EGF: variants seen among roughly 807,000 people sequenced by gnomAD.
EGF encodes the protein epidermal growth factor, also known as pro-epidermal growth factor.
A neutral mutation model predicts 143.8 loss-of-function variants in EGF; 95 were observed. That is an observed-to-expected ratio of 0.66 (90% CI 0.56 to 0.78). The LOEUF (loss-of-function observed/expected upper bound fraction) is 0.78, where lower values mean the gene tolerates loss of function less well. EGF is among the 30% of genes least tolerant of loss of function. The pLI, the probability that EGF is intolerant of heterozygous loss-of-function variation, is 0.00. For missense variants in EGF, 1,320 were observed against 1,470.9 expected (o/e 0.90, Z 1.68); for synonymous variants, 510 against 510.5 (o/e 1.00, Z 0.01).
chr4:109,961,423 G>T (rs964528126), intron 7 of EGF, among the ~76,000 whole-genome samples: 1 of 151,964 alleles, frequency 6.6e-6, no homozygotes, highest in African/African-American at 2.4e-5. Context: ...GAACCTCTCA[G>T]GTTGGGAAAC....
chr4:109,934,937 C>T lies in EGF; in HGVS notation c.128-6009C>T, dbSNP rs915706988. On this transcript the variant is annotated intron_variant, in intron 1 of 23. Transcript: ENST00000265171. ...TGGGTCTATATATTTGTTTTGGTAC[C>T]GGTACCATGCTGTTTTGGTTACTGT... Among the ~76,000 whole-genome samples, 60 of 152,122 alleles carry T rather than the reference C, an allele frequency of 3.9e-4. 1 individual carries two copies. Among genetic ancestry groups the T allele is most frequent in the African/African-American group, 1.1e-3 (47 of 41,482 alleles).
rs1228940419 is a variant in EGF at position 109,980,567 on chromosome 4, C to G, written c.2222-259C>G. 1.2e-5 allele frequency: 6 copies of G among 517,014 alleles called. No individual in the cohort carries two copies. In the Admixed American group the frequency reaches 1.3e-4, roughly 11 times the overall value. 32.0% of individuals were successfully genotyped at this position (517,014 alleles called of 1,614,324 possible). On this transcript the variant is annotated intron_variant, in intron 14 of 23. Coordinates refer to ENST00000265171, the MANE Select transcript of EGF (RefSeq NM_001963.6). ...ATGATGAGTCAGGAAATAAGAATCA[C>G]ATTTGACTAAAGAGCTTCTTGAAAA... is the stretch of plus-strand genomic sequence containing the variant.
chr4:109,968,254 A>C (rs1298744628), intron 10 of EGF, among the ~76,000 whole-genome samples: 1 of 152,194 alleles, frequency 6.6e-6, no homozygotes, highest in Non-Finnish European at 1.5e-5. Context: ...AAGGAACTTT[A>C]GCAAATACCT....
intron 21 of EGF, among the ~76,000 whole-genome samples, chr4:110,003,452 A>G (rs1425738488): frequency 6.6e-6 from 1 of 152,144 alleles, no homozygotes; most frequent in Non-Finnish European, 1.5e-5. Context: ...CCTTTGATTA[A>G]AACACATAAT....
intron 1 of EGF, among the ~76,000 whole-genome samples, chr4:109,933,292 C>T (rs1331315314): frequency 5.3e-5 from 8 of 152,124 alleles, no homozygotes; most frequent in East Asian, 1.9e-4. Flanking sequence ...GTCTGCATAG[C>T]GGGGCTTGTA....
intron 3 of EGF, 70 bp from the exon 4 acceptor site, chr4:109,943,772 C>A: frequency 7.5e-7 from 1 of 1,336,330 alleles, no homozygotes; most frequent in Non-Finnish European, 1.1e-6. Flanking sequence ...GCTGCTGAAA[C>A]ATTGAGAGAG....
intron 23 of EGF, among the ~76,000 whole-genome samples, chr4:110,010,606 C>A (rs893572462): frequency 2.0e-5 from 3 of 152,076 alleles, no homozygotes; most frequent in African/African-American, 7.2e-5. Flanking sequence ...CATGCACTAC[C>A]ATGCCCAGCT....
intron 5 of EGF, among the ~76,000 whole-genome samples, chr4:109,956,154 A>T (rs1209560833): frequency 6.6e-6 from 1 of 152,190 alleles, no homozygotes; most frequent in Non-Finnish European, 1.5e-5. Context: ...TAACTATAGA[A>T]TTTTTTTAAA....
chr4:109,921,917 A>G (rs1307796193), intron 1 of EGF, among the ~76,000 whole-genome samples: 1 of 151,648 alleles, frequency 6.6e-6, no homozygotes, highest in African/African-American at 2.4e-5. Context: ...GTCATAATAC[A>G]TGCCGGTTGA....
chr4:109,984,754 A>C (rs1749891837), intron 16 of EGF, among the ~76,000 whole-genome samples: 1 of 152,230 alleles, frequency 6.6e-6, no homozygotes, highest in Admixed American at 6.5e-5. Flanking sequence ...AAGCAGAGAG[A>C]CTGAGATCTA....
intron 2 of EGF, among the ~76,000 whole-genome samples, chr4:109,941,689 C>T (rs1741956995): frequency 6.6e-6 from 1 of 152,026 alleles, no homozygotes; most frequent in Non-Finnish European, 1.5e-5. Context: ...GTTGAGAGAC[C>T]CTGTTTTATC....
intron 5 of EGF, 90 bp from the exon 6 acceptor site, chr4:109,959,222 A>T: frequency 8.2e-6 from 13 of 1,584,786 alleles, no homozygotes; most frequent in Non-Finnish European, 1.1e-5. Context: ...CGTTGTAGGG[A>T]GGTAAGACCT....
chr4:109,949,197 T>A (rs1743386431), intron 5 of EGF, among the ~76,000 whole-genome samples: 1 of 151,898 alleles, frequency 6.6e-6, no homozygotes, highest in South Asian at 2.1e-4. Context: ...GCCTCCTGAG[T>A]CACTGGGATT....
chr4:109,966,410 T>C (rs1746600551), intron 10 of EGF, among the ~76,000 whole-genome samples: 1 of 152,174 alleles, frequency 6.6e-6, no homozygotes, highest in Admixed American at 6.6e-5. Flanking sequence ...TTCCATTGTA[T>C]ATATATGACA....
chr4:109,968,724 C>T (rs1368949813), intron 10 of EGF: 1 of 478,810 alleles, frequency 2.1e-6, no homozygotes, highest in Non-Finnish European at 3.8e-6. Flanking sequence ...ACCTACCTAC[C>T]TACCTAATAA....
rs1008190953 is a variant in EGF at position 109,916,341 on chromosome 4, C to G, written c.127+2879C>G. 4.6e-5 allele frequency among the ~76,000 whole-genome samples: 7 copies of G among 152,016 alleles called. No individual in the cohort carries two copies. The South Asian group carries it at 6.2e-4, about 13-fold the overall frequency. On this transcript the variant is annotated intron_variant, in intron 1 of 23. Coordinates refer to ENST00000265171, the MANE Select transcript of EGF (RefSeq NM_001963.6). The stretch of plus-strand genomic sequence containing the variant: ...GCAGTGAAACTAACCTCCAAATATT[C>G]AGTGGTGTTTGGTCATTGAGCTTAG...
intron 21 of EGF, among the ~76,000 whole-genome samples, chr4:110,000,176 G>T (rs1007912161): frequency 6.6e-6 from 1 of 151,098 alleles, no homozygotes; most frequent in African/African-American, 2.4e-5. Context: ...ACTTGAACTT[G>T]GGAGGCAGGG....
At chr4:109,980,793 C>G (rs775125401) in intron 14 of EGF, 33 bp from the exon 15 acceptor site, 2 of 1,613,708 alleles carry the variant, frequency 1.2e-6, no homozygotes, top group Admixed American at 3.3e-5. Context: ...CATCTTCAAA[C>G]CCACTTGTGA....
intron 9 of EGF, 109 bp downstream of exon 9, chr4:109,963,407 G>GA: frequency 7.1e-7 from 1 of 1,415,934 alleles, no homozygotes; most frequent in African/African-American, 1.4e-5. Flanking sequence ...TTTTGAAATG[G>GA]AAAAAAAGCA....
Sources: allele counts gnomAD v4.1 joint callset (sites outside exome capture counted in the v4.1 genomes callset), GRCh38; gene constraint gnomAD v4.1.1; transcripts MANE v1.5; gene names NCBI Gene and HGNC (gene_info 2026-07-23, HGNC 2026-07-21).